Variants in BRD4 observed in about 807,000 individuals in gnomAD.
The protein encoded by BRD4 is bromodomain-containing protein 4.
A neutral mutation model predicts 142.1 loss-of-function variants in BRD4; 16 were observed. The ratio of observed to expected loss-of-function variants is 0.11; its 90% CI spans 0.08 to 0.17. BRD4 has a LOEUF of 0.17. Ranked by LOEUF, BRD4 falls within the 10% of genes least tolerant of loss-of-function variation. The pLI, the probability that BRD4 is intolerant of heterozygous loss-of-function variation, is 1.00. For synonymous variants in BRD4, 833 were observed against 707.5 expected (o/e 1.18, Z -2.82); for missense variants, 1,424 against 1,810.9 (o/e 0.79, Z 3.88).
intron 6 of BRD4, among the ~76,000 whole-genome samples, 153 bp from the exon 7 acceptor site, chr19:15,263,701 C>T (rs2047499772): frequency 6.6e-6 from 1 of 152,208 alleles, no homozygotes; most frequent in African/African-American, 2.4e-5. Flanking sequence ...GCCATCACCC[C>T]AGTTCTCAGC....
chr19:15,251,239 C>T (rs537970172), intron 11 of BRD4, among the ~76,000 whole-genome samples: 2 of 152,254 alleles, frequency 1.3e-5, no homozygotes, highest in South Asian at 2.1e-4. Context: ...CATCAGTCCA[C>T]AGCATCCCGG....
In BRD4 at chr19:15,257,076, A is replaced by G. The variant is rs754887182; in HGVS notation, c.1439T>C (p.Val480Ala). ...GCTGTCGCTGGATGAGGGCGGGGCCACAACCTTGGTGGGAGGGGGCACTGC... is the reference window on the plus strand; with the variant it reads ...GCTGTCGCTGGATGAGGGCGGGGCCGCAACCTTGGTGGGAGGGGGCACTGC... ...SPAVPPPTKV[V>A]APPSSSDSSS... is the part of the protein sequence containing the mutation. Residue 480 changes from valine (V) to alanine (A), a missense_variant, in exon 8 of 20, where the codon GTG (valine) becomes GCG (alanine). Around this residue, in one of 16 missense-constraint regions of BRD4, gnomAD observed 90 missense variants for 93.2 expected, o/e 0.97. Transcript: ENST00000679869. 6 of 1,606,432 alleles carry G rather than the reference A, an allele frequency of 3.7e-6. No homozygotes were observed. The highest frequency in any genetic ancestry group is 1.1e-5 in the South Asian group (1 of 89,350).
chr19:15,264,587 T>A lies in BRD4; in HGVS notation c.1029A>T (p.Ala343=). 6.2e-7 allele frequency: 1 copy of A among 1,614,176 alleles called. No individual in the cohort carries two copies. Among genetic ancestry groups the A allele is most frequent in the Middle Eastern group, 1.7e-4 (1 of 6,046 alleles). The part of the protein sequence containing the change: ...KDVPDSQQHP[A]PEKSSKVSEQ... ...CCGAGACCTTGCTGCTCTTCTCTGGTGCTGGGTGCTGCTGAGAGTCGGGCA... is the reference window on the plus strand; with the variant it reads ...CCGAGACCTTGCTGCTCTTCTCTGGAGCTGGGTGCTGCTGAGAGTCGGGCA... The change falls in exon 6 of 20, where the codon GCA becomes GCT. Residue 343 remains alanine (A), a synonymous_variant. Coordinates refer to ENST00000679869, the MANE Select transcript of BRD4 (RefSeq NM_001379291.1).
chr19:15,313,520 A>G (rs1184191226), intron 1 of BRD4, among the ~76,000 whole-genome samples: 1 of 142,972 alleles, frequency 7.0e-6, no homozygotes, highest in Non-Finnish European at 1.5e-5. Context: ...CTAAAAATAC[A>G]AAAAAATTTG....
At chr19:15,251,219 CCCACGCCTGCATCAGT>C in intron 11 of BRD4, among the ~76,000 whole-genome samples, 1 of 152,198 alleles carries the variant, frequency 6.6e-6, no homozygotes, top group East Asian at 1.9e-4. Flanking sequence ...AGAGGACCAC[CCCACGCCTGCATCAGT>C]CCACAGCATC....
chr19:15,265,402 G>T lies in BRD4; in HGVS notation c.801C>A (p.Pro267=). Residue 267 remains proline (P), a synonymous_variant, in exon 5 of 20, where the codon CCC becomes CCA. Transcript: ENST00000679869. ...CGATGATGGGTGGGTGGCTCTGTACGGGCTGGGGAGCTGGAGCGGGTGGGG... is the reference window on the plus strand; with the variant it reads ...CGATGATGGGTGGGTGGCTCTGTACTGGCTGGGGAGCTGGAGCGGGTGGGG... ...PQPPPAPAPQ[P]VQSHPPIIAA... 1.3e-6 allele frequency: 2 copies of T among 1,542,532 alleles called. No homozygotes were observed. The highest frequency in any genetic ancestry group is 1.7e-6 in the Non-Finnish European group (2 of 1,145,310).
chr19:15,284,739 C>T (rs1318127277), intron 1 of BRD4, among the ~76,000 whole-genome samples: 4 of 152,124 alleles, frequency 2.6e-5, no homozygotes, highest in Non-Finnish European at 4.4e-5. Context: ...AAATAGCTGT[C>T]ACCCTCTCAT....
At chr19:15,312,300 C>T (rs1239730074) in intron 1 of BRD4, among the ~76,000 whole-genome samples, 1 of 152,140 alleles carries the variant, frequency 6.6e-6, no homozygotes, top group East Asian at 1.9e-4. Context: ...GAGTTCAAGG[C>T]CAGCCTGGGC....
Position 15,244,323 on chromosome 19 carries a change from A to G in BRD4, c.2489T>C (p.Leu830Pro). 1 of 1,600,060 alleles carries G rather than the reference A, an allele frequency of 6.2e-7. No individual in the cohort carries two copies. The highest frequency in any genetic ancestry group is 1.1e-5 in the South Asian group (1 of 88,430). ...IGHFTQPILHLPQPELPPHLP... is the reference protein window; with the variant it reads ...IGHFTQPILHPPQPELPPHLP... ...GTGAGGGGGCAGCTCAGGCTGCGGC[A>G]GGTGCAGGATGGGCTGGGTGAAGTG... Residue 830 changes from leucine (L) to proline (P), a missense_variant, in exon 13 of 20, where the codon CTG (leucine) becomes CCG (proline). Transcript: ENST00000679869.
chr19:15,282,556 G>GTC (rs1209151376), intron 1 of BRD4, among the ~76,000 whole-genome samples: 1 of 152,178 alleles, frequency 6.6e-6, no homozygotes, highest in East Asian at 1.9e-4. Context: ...CTTCTACCTG[G>GTC]TAAGTTGGCC....
At chr19:15,331,395 C>T (rs1384023829) in intron 1 of BRD4, among the ~76,000 whole-genome samples, 1 of 152,184 alleles carries the variant, frequency 6.6e-6, no homozygotes, top group Non-Finnish European at 1.5e-5. Context: ...CCCCCACATC[C>T]CCACCCCAAA....
chr19:15,324,497 A>G (rs1170993110), intron 1 of BRD4, among the ~76,000 whole-genome samples: 1 of 152,214 alleles, frequency 6.6e-6, no homozygotes, highest in Non-Finnish European at 1.5e-5. Context: ...ACCTCCACAC[A>G]TCCAGCTGCC....
intron 1 of BRD4, among the ~76,000 whole-genome samples, chr19:15,330,121 T>G (rs1449425575): frequency 6.6e-6 from 1 of 152,220 alleles, no homozygotes; most frequent in Non-Finnish European, 1.5e-5. Flanking sequence ...TTCCTTATCT[T>G]CAGCAATTCC....
chr19:15,238,628 C>A lies in BRD4; in HGVS notation c.4020+115G>T, dbSNP rs1275984591. The A allele has an allele frequency of 2.1e-6, 3 of 1,458,120 alleles. No individual in the cohort carries two copies. The highest frequency in any genetic ancestry group is 2.7e-6 in the Non-Finnish European group (3 of 1,102,222). The allele number at this position is 1,458,120 out of a possible 1,614,324, so 90.3% of individuals were successfully genotyped here. On this transcript the variant is annotated intron_variant, in intron 19 of 19. Transcript: ENST00000679869. This position sits in a 1 kb window ranked among gnomAD's most constrained non-coding sequence, Gnocchi z 7.2. ...TGAGTCCAGAGGACCACATGCCGACCAGCAGGGACGGGGCTCCCCCGCTGC... is the reference window on the plus strand; with the variant it reads ...TGAGTCCAGAGGACCACATGCCGACAAGCAGGGACGGGGCTCCCCCGCTGC...
chr19:15,287,025 C>G (rs895112757), intron 1 of BRD4, among the ~76,000 whole-genome samples: 3 of 152,220 alleles, frequency 2.0e-5, no homozygotes, highest in African/African-American at 7.2e-5. Context: ...ACACCTACCA[C>G]TTTTATCACC....
At chr19:15,302,718 T>C (rs1262449954) in intron 1 of BRD4, among the ~76,000 whole-genome samples, 3 of 149,562 alleles carry the variant, frequency 2.0e-5, no homozygotes, top group African/African-American at 7.4e-5. Context: ...AAAAAGTGCT[T>C]TTCTGGGCCG....
At chr19:15,258,243 C>T (rs11670707) in intron 7 of BRD4, among the ~76,000 whole-genome samples, 21,131 of 152,252 alleles carry the variant, frequency 0.14, 1,696 homozygotes, top group Middle Eastern at 0.2. Context: ...CTTCCTCTCC[C>T]ACGCTGCTGG....
rs1393112493 is a variant in BRD4 at position 15,323,014 on chromosome 19, C to T, written c.-35+9276G>A. ...TCAGTGAGCTGAAATCATACCACTGCACTCCAGCCTGGGTGACACAGTGAG... is the reference window on the plus strand; with the variant it reads ...TCAGTGAGCTGAAATCATACCACTGTACTCCAGCCTGGGTGACACAGTGAG... On this transcript the variant is annotated intron_variant, in intron 1 of 19. Transcript: ENST00000679869. Among the ~76,000 whole-genome samples, 15 of 151,438 alleles carry T rather than the reference C, an allele frequency of 9.9e-5. 1 individual carries two copies. The highest frequency in any genetic ancestry group is 9.9e-4 in the Admixed American group (15 of 15,168).
intron 11 of BRD4, chr19:15,246,539 GA>G (rs2047288220): frequency 6.6e-6 from 1 of 152,300 alleles, no homozygotes; most frequent in Non-Finnish European, 1.5e-5. Context: ...AGAGTTGAGG[GA>G]AAAAGTGTGT....
Sources: gnomAD v4.1 joint callset for allele counts (sites outside exome capture counted in the v4.1 genomes callset) on GRCh38, gnomAD v4.1.1 for gene constraint, gnomAD v4.1.1 regional missense constraint, Gnocchi (gnomAD v3.1) non-coding constraint, MANE v1.5 for transcripts, NCBI Gene and HGNC (gene_info 2026-07-23, HGNC 2026-07-21) for gene names.